EYA4: variants seen among roughly 807,000 people sequenced by gnomAD.
The protein encoded by EYA4 is protein phosphatase EYA4.
A neutral mutation model predicts 87.9 loss-of-function variants in EYA4; 31 were observed. The ratio of observed to expected loss-of-function variants is 0.35; its 90% CI spans 0.27 to 0.48. The LOEUF (loss-of-function observed/expected upper bound fraction) is 0.48, where lower values mean the gene tolerates loss of function less well. EYA4 is among the 20% of genes least tolerant of loss of function. EYA4 has a pLI of 0.99. For synonymous variants in EYA4, 263 were observed against 270.6 expected (o/e 0.97, Z 0.28); for missense variants, 678 against 761.4 (o/e 0.89, Z 1.29).
intron 5 of EYA4, among the ~76,000 whole-genome samples, chr6:133,455,957 AGAAGT>A (rs1793868153): frequency 6.6e-6 from 1 of 152,160 alleles, no homozygotes; most frequent in African/African-American, 2.4e-5. Flanking sequence ...TTGCTGCTGT[AGAAGT>A]CATCTCTTTT....
At chr6:133,474,619 T>C (rs1795564518) in intron 11 of EYA4, among the ~76,000 whole-genome samples, 1 of 152,134 alleles carries the variant, frequency 6.6e-6, no homozygotes, top group African/African-American at 2.4e-5. Flanking sequence ...ACCAAAATCG[T>C]AACAACACAC....
chr6:133,424,083 G>A (rs1166072007), intron 3 of EYA4, among the ~76,000 whole-genome samples: 1 of 152,198 alleles, frequency 6.6e-6, no homozygotes, highest in East Asian at 1.9e-4. Context: ...GCAGCTGGTT[G>A]TCCAGATGGC....
chr6:133,495,277 GA>G (rs534164858), intron 13 of EYA4, among the ~76,000 whole-genome samples: 2 of 149,240 alleles, frequency 1.3e-5, no homozygotes, highest in Non-Finnish European at 3.0e-5. Flanking sequence ...TCAAAAAAAA[GA>G]AAAAAAATCT....
intron 2 of EYA4, among the ~76,000 whole-genome samples, chr6:133,290,221 G>A (rs927690912): frequency 1.8e-4 from 27 of 152,176 alleles, no homozygotes; most frequent in Admixed American, 1.2e-3. Flanking sequence ...GTGGGTAGGG[G>A]AGCAGAATCT....
intron 3 of EYA4, among the ~76,000 whole-genome samples, chr6:133,421,163 G>A (rs1415264276): frequency 1.3e-5 from 2 of 152,186 alleles, no homozygotes; most frequent in African/African-American, 2.4e-5. Flanking sequence ...GATGTGAGGT[G>A]TCTACCTTTC....
chr6:133,370,530 C>T (rs999380343), intron 2 of EYA4, among the ~76,000 whole-genome samples: 2 of 152,236 alleles, frequency 1.3e-5, no homozygotes, highest in South Asian at 4.2e-4. Context: ...AAACACACTT[C>T]GTCTTTGTTT....
At chr6:133,412,231 T>C (rs1381569356) in intron 3 of EYA4, among the ~76,000 whole-genome samples, 1 of 152,218 alleles carries the variant, frequency 6.6e-6, no homozygotes, top group Non-Finnish European at 1.5e-5. Flanking sequence ...TAAGTGTTGG[T>C]TAAGTAAAAA....
chr6:133,424,554 C>T (rs555600396), intron 3 of EYA4, among the ~76,000 whole-genome samples: 1 of 152,226 alleles, frequency 6.6e-6, no homozygotes, highest in Non-Finnish European at 1.5e-5. Flanking sequence ...CTGGGGGCAC[C>T]GTGGGTGCCA....
intron 2 of EYA4, among the ~76,000 whole-genome samples, chr6:133,364,820 C>T (rs1196209709): frequency 1.3e-5 from 2 of 152,254 alleles, no homozygotes; most frequent in African/African-American, 4.8e-5. Flanking sequence ...TTCCTAAAAT[C>T]AACTCAAAAA....
At chr6:133,448,055 C>A in intron 4 of EYA4, 56 bp from the exon 5 acceptor site, 2 of 1,304,970 alleles carry the variant, frequency 1.5e-6, no homozygotes, top group South Asian at 1.2e-5. Flanking sequence ...GAAGATTATT[C>A]ATATCCACTC....
intron 3 of EYA4, among the ~76,000 whole-genome samples, chr6:133,410,128 A>T (rs574514068): frequency 1.3e-5 from 2 of 152,270 alleles, no homozygotes; most frequent in African/African-American, 4.8e-5. Context: ...ATATATAGAT[A>T]TATAGTCAGA....
At position 133,530,104 on chromosome 6, in the gene EYA4, T is replaced by C; in HGVS notation, c.*1299T>C. 2 of 985,186 alleles carry C rather than the reference T, an allele frequency of 2.0e-6. No homozygotes were observed. The highest frequency in any genetic ancestry group is 9.4e-5 in the South Asian group (2 of 21,292). The allele number at this position is 985,186 out of a possible 1,614,324, so 61.0% of individuals were successfully genotyped here. On this transcript the variant is annotated 3_prime_UTR_variant, in exon 20 of 20. Coordinates refer to ENST00000355286, the MANE Select transcript of EYA4 (RefSeq NM_004100.5). ...TGGTGTCTAATGAAAGCAATGAGTC[T>C]ATGAAAATTTTACCTAGAATATCAT...
intron 2 of EYA4, chr6:133,325,247 G>T (rs1192947678): frequency 1.3e-5 from 2 of 152,178 alleles, no homozygotes; most frequent in Non-Finnish European, 2.9e-5. Context: ...TTTATAGGAT[G>T]CCAGGCTAGC....
chr6:133,252,264 C>T (rs775101375), intron 1 of EYA4, among the ~76,000 whole-genome samples: 8 of 152,162 alleles, frequency 5.3e-5, no homozygotes, highest in Non-Finnish European at 1.2e-4. Flanking sequence ...ATAATCACAA[C>T]TGCTGAAGAT....
intron 2 of EYA4, among the ~76,000 whole-genome samples, chr6:133,277,173 T>G (rs1777248070): frequency 6.6e-6 from 1 of 152,188 alleles, no homozygotes; most frequent in Admixed American, 6.5e-5. Context: ...TAGGAGTCAT[T>G]TGTGGCACAT....
intron 3 of EYA4, among the ~76,000 whole-genome samples, chr6:133,384,073 A>C (rs935010406): frequency 6.6e-6 from 1 of 152,306 alleles, no homozygotes; most frequent in Non-Finnish European, 1.5e-5. Flanking sequence ...TCATATCAAA[A>C]TTTTTTAGCT....
intron 2 of EYA4, among the ~76,000 whole-genome samples, chr6:133,318,899 G>A (rs1780831975): frequency 6.6e-6 from 1 of 152,128 alleles, no homozygotes; most frequent in Non-Finnish European, 1.5e-5. Context: ...CTATATTAAT[G>A]CGATGATCTG....
intron 3 of EYA4, among the ~76,000 whole-genome samples, chr6:133,428,911 C>CTTTTGTTTTTTTTTTTTT (rs1790921100): frequency 2.1e-5 from 1 of 48,230 alleles, no homozygotes. Flanking sequence ...GATTTAGCTT[C>CTTTTGTTTTTTTTTTTTT]TTTTTTTTTT....
chr6:133,432,828 A>G (rs746567601), intron 3 of EYA4, among the ~76,000 whole-genome samples: 14 of 152,162 alleles, frequency 9.2e-5, no homozygotes, highest in Non-Finnish European at 1.9e-4. Context: ...GAGTAACCTC[A>G]TAAAGATACA....
Sources: allele counts gnomAD v4.1 joint callset (sites outside exome capture counted in the v4.1 genomes callset), GRCh38; gene constraint gnomAD v4.1.1; transcripts MANE v1.5; gene names NCBI Gene and HGNC (gene_info 2026-07-23, HGNC 2026-07-21).